CHST2: variants seen among roughly 807,000 people sequenced by gnomAD.
CHST2 encodes carbohydrate sulfotransferase 2.
In CHST2, 23 loss-of-function variants were observed where a neutral mutation model predicts 34.6. That is an observed-to-expected ratio of 0.67 (90% confidence interval 0.48 to 0.94). CHST2 has a LOEUF of 0.94. CHST2 is among the 40% of genes least tolerant of loss of function. The pLI, the probability that CHST2 is intolerant of heterozygous loss-of-function variation, is 0.00. For missense variants in CHST2, 720 were observed against 759.5 expected (o/e 0.95, Z 0.61); for synonymous variants, 392 against 343.1 (o/e 1.14, Z -1.58).
At position 143,122,727 on chromosome 3, in the gene CHST2, G is replaced by A. The variant is rs1936248937; in HGVS notation, c.*318G>A. Reference sequence around the variant, plus strand: ...CCTGCCTTCCATTTTGAAGTGGGATGTTAATGAAATCAAGTTCCAGTAACC... The same window carrying A: ...CCTGCCTTCCATTTTGAAGTGGGATATTAATGAAATCAAGTTCCAGTAACC... On this transcript the variant is annotated 3_prime_UTR_variant, in exon 2 of 2. Transcript: ENST00000309575. 1.3e-5 allele frequency: 3 copies of A among 223,798 alleles called. No homozygotes were observed. The highest frequency in any genetic ancestry group is 2.8e-5 in the Non-Finnish European group (3 of 106,614). 13.9% of individuals were successfully genotyped at this position (223,798 alleles called of 1,614,324 possible).
chr3:143,121,291 G>A lies in CHST2; in HGVS notation c.475G>A (p.Gly159Ser). 2 of 1,611,364 alleles carry A rather than the reference G, an allele frequency of 1.2e-6. No homozygotes were observed. Among genetic ancestry groups the A allele is most frequent in the Non-Finnish European group, 1.7e-6 (2 of 1,179,170 alleles). The change falls in exon 2 of 2, where the codon GGC becomes AGC. Residue 159 changes from glycine (G) to serine (S), a missense_variant. Around this residue, in one of 4 missense-constraint regions of CHST2, gnomAD observed 287 missense variants for 242.7 expected, o/e 1.18. Coordinates refer to ENST00000309575, the MANE Select transcript of CHST2 (RefSeq NM_004267.5). The part of the protein sequence containing the change: ...PPGNGTRGTG[G>S]VGDKRQLVYV... The stretch of plus-strand genomic sequence containing the variant: ...AGGCAATGGCACTCGGGGCACCGGG[G>A]GCGTCGGGGACAAGCGGCAGCTGGT...
Position 143,120,995 on chromosome 3 carries a change from C to T in CHST2, c.179C>T (p.Ala60Val), listed in dbSNP as rs780805934. Reference protein sequence around the residue: ...VFRRKALVLCAGYALLLVLTM... With the variant: ...VFRRKALVLCVGYALLLVLTM... ...CGTAGGAAGGCGCTGGTGTTGTGCG[C>T]GGGCTATGCACTGCTGCTGGTGCTC... is the stretch of plus-strand genomic sequence containing the variant. The change falls in exon 2 of 2, where the codon GCG becomes GTG. Residue 60 changes from alanine to valine, a missense_variant. Around this residue, in one of 4 missense-constraint regions of CHST2, gnomAD observed 287 missense variants for 242.7 expected, o/e 1.18. Transcript: ENST00000309575. The surrounding 1 kb of genome is among the most constrained non-coding windows in gnomAD (Gnocchi z 4.1). 1 of 1,543,772 alleles carries T rather than the reference C, an allele frequency of 6.5e-7. No homozygotes were observed. Among genetic ancestry groups the T allele is most frequent in the South Asian group, 1.2e-5 (1 of 82,610 alleles).
At position 143,121,307 on chromosome 3, in the gene CHST2, G is replaced by A. The variant is rs1445251729; in HGVS notation, c.491G>A (p.Arg164Gln). ...GGCACCGGGGGCGTCGGGGACAAGC[G>A]GCAGCTGGTGTACGTGTTCACCACG... ...TRGTGGVGDK[R>Q]QLVYVFTTWR... Residue 164 changes from arginine (R) to glutamine (Q), a missense_variant, in exon 2 of 2, where the codon CGG (arginine) becomes CAG (glutamine). Arg to Gln is a conservative substitution (Grantham distance 43). This residue lies in a region of CHST2 where 43 missense variants were observed against 77.6 expected (regional missense o/e 0.55). Transcript: ENST00000309575. 6.2e-7 allele frequency: 1 copy of A among 1,612,772 alleles called. No individual in the cohort carries two copies. The highest frequency in any genetic ancestry group is 1.3e-5 in the African/African-American group (1 of 74,948).
rs1355177016 is a variant in CHST2, at chr3:143,121,836, A to G, written c.1020A>G (p.Ser340=). ...GTGATCCCCGCGCGGTGGCGAGTTC[A>G]CGGATCCGCTCGCGCCACGGCCTCA... ...LVRDPRAVAS[S]RIRSRHGLIR... Residue 340 remains serine, a synonymous_variant, in exon 2 of 2, where the codon TCA becomes TCG. Transcript: ENST00000309575. 4 of 1,591,106 alleles carry G rather than the reference A, an allele frequency of 2.5e-6. No individual in the cohort carries two copies. Among genetic ancestry groups the G allele is most frequent in the Middle Eastern group, 1.7e-4 (1 of 5,988 alleles).
rs1446321462 is a variant in CHST2 at position 143,122,941 on chromosome 3, AAAG to A, written c.*537_*539del. On this transcript the variant is annotated 3_prime_UTR_variant, in exon 2 of 2. Coordinates refer to ENST00000309575, the MANE Select transcript of CHST2 (RefSeq NM_004267.5). ...GCAAAGGTTACATGTGAGTATTAAT[AAAG>A]AAGATAATAAATAATATTCTTTTTA... 6.0e-6 allele frequency: 1 copy of A among 167,058 alleles called. No homozygotes were observed. Among genetic ancestry groups the A allele is most frequent in the Non-Finnish European group, 1.5e-5 (1 of 68,158 alleles). 10.3% of individuals were successfully genotyped at this position (167,058 alleles called of 1,614,324 possible).
Position 143,122,509 on chromosome 3 carries a change from A to G in CHST2, c.*100A>G. On this transcript the variant is annotated 3_prime_UTR_variant, in exon 2 of 2. Coordinates refer to ENST00000309575, the MANE Select transcript of CHST2 (RefSeq NM_004267.5). ...GTCCAGACTCAAACGGAGGAAGCCC[A>G]CATATTCTATTATAGATATATAAAT... 1.7e-6 allele frequency: 2 copies of G among 1,195,154 alleles called. No individual in the cohort carries two copies. Among genetic ancestry groups the G allele is most frequent in the East Asian group, 5.2e-5 (2 of 38,368 alleles). 74.0% of individuals were successfully genotyped at this position (1,195,154 alleles called of 1,614,324 possible).
Position 143,121,135 on chromosome 3 carries a change from G to A in CHST2, c.319G>A (p.Gly107Arg), listed in dbSNP as rs185111962. Residue 107 changes from glycine (G) to arginine (R), a missense_variant, in exon 2 of 2, where the codon GGG (glycine) becomes AGG (arginine). By Grantham distance (125) the Gly-to-Arg change is moderately radical. Transcript: ENST00000309575. ...AGCCGGAGGCAGCTGGGGGCGCCCA[G>A]GGCCGCCTCCGGCCGGGCCGCCCCG... ...GAAGGSWGRP[G>R]PPPAGPPRAH... 23,394 of 1,462,090 alleles carry A rather than the reference G, an allele frequency of 0.016. 219 individuals are homozygous for A. Among genetic ancestry groups the A allele is most frequent in the Non-Finnish European group, 0.018 (20,392 of 1,117,632 alleles). 90.6% of individuals were successfully genotyped at this position (1,462,090 alleles called of 1,614,324 possible).
At position 143,121,063 on chromosome 3, in the gene CHST2, C is replaced by G. The variant is rs1279116784; in HGVS notation, c.247C>G (p.Leu83Val). 6.6e-7 allele frequency: 1 copy of G among 1,520,604 alleles called. No homozygotes were observed. The highest frequency in any genetic ancestry group is 8.8e-7 in the Non-Finnish European group (1 of 1,135,914). The allele number at this position is 1,520,604 out of a possible 1,614,324, so 94.2% of individuals were successfully genotyped here. A position where few individuals can be genotyped will look rare whatever the true frequency, so the allele number is the denominator to read the frequency against. ...LLDYKWHKEPLQQCNPDGPLG... is the reference protein window; with the variant it reads ...LLDYKWHKEPVQQCNPDGPLG... ...GGACTACAAGTGGCACAAGGAGCCG[C>G]TGCAGCAGTGCAACCCCGATGGGCC... The change falls in exon 2 of 2, where the codon CTG becomes GTG. Residue 83 changes from leucine to valine, a missense_variant. Leu to Val is a conservative substitution (Grantham distance 32). Coordinates refer to ENST00000309575, the MANE Select transcript of CHST2 (RefSeq NM_004267.5).
chr3:143,122,585 A>G lies in CHST2; in HGVS notation c.*176A>G. On this transcript the variant is annotated 3_prime_UTR_variant, in exon 2 of 2. Transcript: ENST00000309575. ...GTTTTGAGTCAGTGCATTTCAAGGA[A>G]CAGCCACAAAATACACACCCCTAAG... 1.5e-6 allele frequency: 1 copy of G among 651,844 alleles called. No homozygotes were observed. Among genetic ancestry groups the G allele is most frequent in the South Asian group, 3.4e-5 (1 of 29,508 alleles). The allele number at this position is 651,844 out of a possible 1,614,324, so 40.4% of individuals were successfully genotyped here.
In CHST2 at chr3:143,122,488, A is replaced by C; in HGVS notation, c.*79A>C. 7.3e-7 allele frequency: 1 copy of C among 1,372,228 alleles called. No individual in the cohort carries two copies. Among genetic ancestry groups the C allele is most frequent in the Non-Finnish European group, 9.7e-7 (1 of 1,029,466 alleles). The allele number at this position is 1,372,228 out of a possible 1,614,324, so 85.0% of individuals were successfully genotyped here. A position where few individuals can be genotyped will look rare whatever the true frequency, so the allele number is the denominator to read the frequency against. The stretch of plus-strand genomic sequence containing the variant: ...TAGTGTGTTTAAATAAACACAGTCC[A>C]GACTCAAACGGAGGAAGCCCACATA... On this transcript the variant is annotated 3_prime_UTR_variant, in exon 2 of 2. Coordinates refer to ENST00000309575, the MANE Select transcript of CHST2 (RefSeq NM_004267.5).
Position 143,121,216 on chromosome 3 carries a change from G to T in CHST2, c.400G>T (p.Gly134Trp). Residue 134 changes from glycine (G) to tryptophan (W), a missense_variant, in exon 2 of 2, where the codon GGG becomes TGG. Transcript: ENST00000309575. Reference sequence around the variant, plus strand: ...TTACCGCCCTCCCGCTGCCGCCGTCGGGGCGGCTCCTGCAGCCGCGGCAGG... The same window carrying T: ...TTACCGCCCTCCCGCTGCCGCCGTCTGGGCGGCTCCTGCAGCCGCGGCAGG... ...TPYRPPAAAVGAAPAAAAGMA... is the reference protein window; with the variant it reads ...TPYRPPAAAVWAAPAAAAGMA... 6.4e-7 allele frequency: 1 copy of T among 1,571,186 alleles called. No homozygotes were observed.
At position 143,121,287 on chromosome 3, in the gene CHST2, CG is replaced by C; in HGVS notation, c.476del (p.Gly159AlafsTer62). ...APPGNGTRGT[G>X]GVGDKRQLVY... is the part of the protein sequence containing the mutation. Reference sequence around the variant, plus strand: ...CTCCAGGCAATGGCACTCGGGGCACCGGGGGCGTCGGGGACAAGCGGCAGCT... The same window carrying C: ...CTCCAGGCAATGGCACTCGGGGCACCGGGGCGTCGGGGACAAGCGGCAGCT... On this transcript the variant is annotated frameshift_variant, in exon 2 of 2. Transcript: ENST00000309575. LOFTEE classifies it high-confidence loss of function. 2 of 1,610,152 alleles carry C rather than the reference CG, an allele frequency of 1.2e-6. No homozygotes were observed. Among genetic ancestry groups the C allele is most frequent in the Non-Finnish European group, 1.7e-6 (2 of 1,178,668 alleles).
chr3:143,120,920 G>A lies in CHST2; in HGVS notation c.104G>A (p.Arg35Gln), dbSNP rs757732659. The change falls in exon 2 of 2, where the codon CGG becomes CAG. Residue 35 changes from arginine (R) to glutamine (Q), a missense_variant. Physicochemically the swap from Arg to Gln is conservative, Grantham distance 43. Transcript: ENST00000309575. This position sits in a 1 kb window ranked among gnomAD's most constrained non-coding sequence, Gnocchi z 4.1. Reference protein sequence around the residue: ...APRALLPQWPRRPGRRWPASP... With the variant: ...APRALLPQWPQRPGRRWPASP... The stretch of plus-strand genomic sequence containing the variant: ...CGTGCCCTGCTCCCGCAGTGGCCCC[G>A]GCGCCCAGGACGCCGCTGGCCCGCG... 39 of 1,513,384 alleles carry A rather than the reference G, an allele frequency of 2.6e-5. No individual in the cohort carries two copies. In the South Asian group the frequency reaches 4.2e-4, roughly 16 times the overall value. The allele number at this position is 1,513,384 out of a possible 1,614,324, so 93.7% of individuals were successfully genotyped here. A position where few individuals can be genotyped will look rare whatever the true frequency, so the allele number is the denominator to read the frequency against.
rs1379812534 is a variant in CHST2 at position 143,121,764 on chromosome 3, A to C, written c.948A>C (p.Pro316=). ...VRVFDVAVLA[P]LLRDPALDLK... is the part of the protein sequence containing the mutation. ...TCTTCGACGTGGCGGTCTTGGCGCC[A>C]CTGCTGCGAGACCCGGCCCTGGACC... The change falls in exon 2 of 2, where the codon CCA becomes CCC. Residue 316 remains proline, a synonymous_variant. Coordinates refer to ENST00000309575, the MANE Select transcript of CHST2 (RefSeq NM_004267.5). 2 of 1,606,228 alleles carry C rather than the reference A, an allele frequency of 1.2e-6. No individual in the cohort carries two copies. Among genetic ancestry groups the C allele is most frequent in the East Asian group, 4.5e-5 (2 of 44,670 alleles).
In CHST2 at chr3:143,121,906, C is replaced by A; in HGVS notation, c.1090C>A (p.His364Asn). Residue 364 changes from histidine to asparagine, a missense_variant, in exon 2 of 2, where the codon CAC becomes AAC. His to Asn is a moderately conservative substitution (Grantham distance 68). This residue lies in a region of CHST2 where 224 missense variants were observed against 227.8 expected (regional missense o/e 0.98). Transcript: ENST00000309575. The stretch of plus-strand genomic sequence containing the variant: ...GGTGCGCAGCCGAGACCCGCGAGCT[C>A]ACCGCATGCCCTTCTTGGAGGCCGC... Reference protein sequence around the residue: ...QVVRSRDPRAHRMPFLEAAGH... With the variant: ...QVVRSRDPRANRMPFLEAAGH... The A allele has an allele frequency of 6.3e-7, 1 of 1,576,434 alleles. No individual in the cohort carries two copies. Among genetic ancestry groups the A allele is most frequent in the Non-Finnish European group, 8.6e-7 (1 of 1,159,558 alleles).
At position 143,122,345 on chromosome 3, in the gene CHST2, G is replaced by A. The variant is rs1201049679; in HGVS notation, c.1529G>A (p.Arg510Gln). The A allele has an allele frequency of 1.2e-6, 2 of 1,613,870 alleles. No individual in the cohort carries two copies. The highest frequency in any genetic ancestry group is 2.2e-5 in the East Asian group (1 of 44,882). Residue 510 changes from arginine (R) to glutamine (Q), a missense_variant, in exon 2 of 2, where the codon CGG becomes CAG. Around this residue, in one of 4 missense-constraint regions of CHST2, gnomAD observed 224 missense variants for 227.8 expected, o/e 0.98. Coordinates refer to ENST00000309575, the MANE Select transcript of CHST2 (RefSeq NM_004267.5). ...CCCATGGCCGTCCTGGGCTATGAGC[G>A]GGTCAACAGCCCTGAGGAGGTCAAA... is the stretch of plus-strand genomic sequence containing the variant. Reference protein sequence around the residue: ...YQPMAVLGYERVNSPEEVKDL... With the variant: ...YQPMAVLGYEQVNSPEEVKDL...
chr3:143,121,852 C>T lies in CHST2; in HGVS notation c.1036C>T (p.His346Tyr). 6.3e-7 allele frequency: 1 copy of T among 1,585,374 alleles called. No homozygotes were observed. The highest frequency in any genetic ancestry group is 8.6e-7 in the Non-Finnish European group (1 of 1,161,704). ...GGCGAGTTCACGGATCCGCTCGCGC[C>T]ACGGCCTCATCCGTGAGAGCCTACA... ...AVASSRIRSR[H>Y]GLIRESLQVV... Residue 346 changes from histidine to tyrosine, a missense_variant, in exon 2 of 2, where the codon CAC (histidine) becomes TAC (tyrosine). By Grantham distance (83) the His-to-Tyr change is moderately conservative. Coordinates refer to ENST00000309575, the MANE Select transcript of CHST2 (RefSeq NM_004267.5).
Position 143,120,614 on chromosome 3 carries a change from C to G in CHST2, c.-173-30C>G, listed in dbSNP as rs1487808943. On this transcript the variant is annotated intron_variant, in intron 1 of 1. Transcript: ENST00000309575. This position sits in a 1 kb window ranked among gnomAD's most constrained non-coding sequence, Gnocchi z 4.1. ...GAGGAGGCTGGGAGGGAGATTGGGG[C>G]GCATCCGCTCACTCCGCTTCCCCTC... 4 of 327,584 alleles carry G rather than the reference C, an allele frequency of 1.2e-5. No individual in the cohort carries two copies. The highest frequency in any genetic ancestry group is 5.1e-5 in the Admixed American group (1 of 19,686). 20.3% of individuals were successfully genotyped at this position (327,584 alleles called of 1,614,324 possible). A position where few individuals can be genotyped will look rare whatever the true frequency, so the allele number is the denominator to read the frequency against.
Position 143,121,388 on chromosome 3 carries a change from T to C in CHST2, c.572T>C (p.Phe191Ser). 6.2e-7 allele frequency: 1 copy of C among 1,613,732 alleles called. No individual in the cohort carries two copies. The highest frequency in any genetic ancestry group is 8.5e-7 in the Non-Finnish European group (1 of 1,180,004). ...GELFNQNPEV[F>S]FLYEPVWHVW... The stretch of plus-strand genomic sequence containing the variant: ...CTATTCAACCAGAATCCCGAGGTGT[T>C]CTTTCTCTACGAGCCAGTGTGGCAT... Residue 191 changes from phenylalanine to serine, a missense_variant, in exon 2 of 2, where the codon TTC (phenylalanine) becomes TCC (serine). By Grantham distance (155) the Phe-to-Ser change is radical. This residue lies in a region of CHST2 where 43 missense variants were observed against 77.6 expected (regional missense o/e 0.55). Coordinates refer to ENST00000309575, the MANE Select transcript of CHST2 (RefSeq NM_004267.5).
Sources: allele counts gnomAD v4.1 joint callset, GRCh38; gene constraint gnomAD v4.1.1; regional missense constraint gnomAD v4.1.1; non-coding constraint Gnocchi (gnomAD v3.1); transcripts MANE v1.5; gene names NCBI Gene and HGNC (gene_info 2026-07-23, HGNC 2026-07-21).